The following OVCH1 variants were observed in gnomAD, a reference collection of about 807,000 sequenced individuals.
The protein encoded by OVCH1 is ovochymase-1.
A neutral mutation model predicts 138.4 loss-of-function variants in OVCH1; 139 were observed. The observed-to-expected ratio is 1.00, with a 90% CI of 0.87 to 1.16. The LOEUF (loss-of-function observed/expected upper bound fraction) is 1.16, where lower values mean the gene tolerates loss of function less well. OVCH1 is among the 50% of genes most tolerant of loss of function. The pLI is 0.00. For missense variants in OVCH1, 1,367 were observed against 1,357.9 expected, an observed-to-expected ratio of 1.01 and a Z score of -0.11; for synonymous variants, 453 against 467.8, an observed-to-expected ratio of 0.97 and a Z score of 0.41.
intron 14 of OVCH1, among the ~76,000 whole-genome samples, chr12:29,473,506 A>C (rs996500536): frequency 6.6e-6 from 1 of 152,048 alleles, no homozygotes; most frequent in African/African-American, 2.4e-5. Context: ...CTCTTTCCTG[A>C]ATCCTAGACC....
At chr12:29,437,173 A>G (rs1480494566) in intron 26 of OVCH1, among the ~76,000 whole-genome samples, 1 of 152,198 alleles carries the variant, frequency 6.6e-6, no homozygotes. Flanking sequence ...ACCTTTAGCT[A>G]GACACAGAAC....
chr12:29,469,676 T>A (rs1478753280), intron 16 of OVCH1, among the ~76,000 whole-genome samples: 21 of 151,318 alleles, frequency 1.4e-4, no homozygotes, highest in Admixed American at 1.3e-3. Flanking sequence ...GTTCAAGAGT[T>A]CAAGACCAGT....
intron 4 of OVCH1, among the ~76,000 whole-genome samples, chr12:29,492,498 G>C (rs552756515): frequency 6.6e-6 from 1 of 152,058 alleles, no homozygotes; most frequent in South Asian, 2.1e-4. Flanking sequence ...CTGGCCACTG[G>C]GTTAATAACA....
chr12:29,455,363 G>T, exon 20 of OVCH1: 1 of 1,613,604 alleles, frequency 6.2e-7, no homozygotes. Context: ...AGGACAAAGG[G>T]ACCATTTTCA....
chr12:29,441,419 G>A (rs969756747), intron 25 of OVCH1, among the ~76,000 whole-genome samples: 3 of 152,164 alleles, frequency 2.0e-5, no homozygotes, highest in Non-Finnish European at 4.4e-5. Flanking sequence ...CTAGCCATAT[G>A]GAGAAAGCTG....
chr12:29,472,575 G>A (rs936840604), intron 15 of OVCH1, among the ~76,000 whole-genome samples: 1 of 152,126 alleles, frequency 6.6e-6, no homozygotes, highest in Non-Finnish European at 1.5e-5. Flanking sequence ...ATAGCTCCTT[G>A]TGCAACTTTC....
At chr12:29,410,952 C>G (rs1022972419), downstream of OVCH1, among the ~76,000 whole-genome samples, 2 of 152,074 alleles carry the variant, frequency 1.3e-5, no homozygotes, top group East Asian at 1.9e-4. Context: ...GTACACCAAT[C>G]AGACATAGAT....
chr12:29,476,321 C>G, intron 12 of OVCH1, 22 bp from the exon 13 acceptor site: 1 of 1,570,316 alleles, frequency 6.4e-7, no homozygotes, highest in South Asian at 1.1e-5. Flanking sequence ...GAAACATAAC[C>G]AGGGAAATGG....
exon 13 of OVCH1, chr12:29,476,270 A>C (rs527863289): frequency 1.2e-6 from 2 of 1,613,656 alleles, no homozygotes; most frequent in Admixed American, 3.3e-5. Flanking sequence ...AGTTTGGACT[A>C]AATTTGACAG....
chr12:29,496,520 T>A, intron 2 of OVCH1, 36 bp downstream of exon 2: 1 of 1,499,416 alleles, frequency 6.7e-7, no homozygotes, highest in African/African-American at 1.4e-5. Context: ...TTTCACTGTT[T>A]TCTCATTAAG....
chr12:29,467,982 G>T (rs555428337), intron 16 of OVCH1, among the ~76,000 whole-genome samples: 2 of 152,242 alleles, frequency 1.3e-5, no homozygotes, highest in Admixed American at 1.3e-4. Context: ...ACACTTCAAG[G>T]ATTAGATTTA....
chr12:29,425,118 C>A (rs558030556), downstream of OVCH1, among the ~76,000 whole-genome samples: 10 of 152,200 alleles, frequency 6.6e-5, no homozygotes, highest in African/African-American at 2.4e-4. Flanking sequence ...GAACAGACAG[C>A]AAATGGTACG....
At chr12:29,405,045 A>C in the OVCH1 span, among the ~76,000 whole-genome samples, 31 of 150,248 alleles carry the variant, frequency 2.1e-4, no homozygotes, top group African/African-American at 7.1e-4. Flanking sequence ...AAAAAAAAAA[A>C]AAAAAAAAAA....
chr12:29,440,513 T>C, intron 25 of OVCH1: 2 of 301,392 alleles, frequency 6.6e-6, no homozygotes, highest in Non-Finnish European at 1.3e-5. Flanking sequence ...ATATTTCTAA[T>C]CCAAATAAAA....
intron 18 of OVCH1, among the ~76,000 whole-genome samples, chr12:29,462,247 CTT>C (rs1445067445): frequency 6.6e-6 from 1 of 151,958 alleles, no homozygotes; most frequent in Non-Finnish European, 1.5e-5. Flanking sequence ...ACCAGAAACA[CTT>C]TTTTTCTAGC....
At chr12:29,477,341 C>G in exon 11 of OVCH1, 1 of 1,613,960 alleles carries the variant, frequency 6.2e-7, no homozygotes. Context: ...AAACACTCAC[C>G]TGCTTCTGAC....
chr12:29,455,400 G>C (rs760370312), exon 20 of OVCH1: 5 of 1,601,992 alleles, frequency 3.1e-6, no homozygotes, highest in Non-Finnish European at 3.4e-6. Flanking sequence ...GCCCACCAGA[G>C]TCTCCCTGAA....
downstream of OVCH1, among the ~76,000 whole-genome samples, chr12:29,410,911 A>G (rs577375856): frequency 2.6e-5 from 4 of 152,022 alleles, no homozygotes; most frequent in South Asian, 4.2e-4. Flanking sequence ...AGTGTTTTCC[A>G]TCTTGGTTCC....
intron 1 of OVCH1, 96 bp downstream of exon 1, chr12:29,497,527 C>T (rs1240700368): frequency 1.4e-6 from 2 of 1,435,328 alleles, no homozygotes; most frequent in Admixed American, 4.0e-5. Flanking sequence ...TGTGGCTATA[C>T]CACCCCGACT....
Sources: allele counts gnomAD v4.1 joint callset (sites outside exome capture counted in the v4.1 genomes callset), GRCh38; gene constraint gnomAD v4.1.1; transcripts MANE v1.5; gene names NCBI Gene and HGNC (gene_info 2026-07-23, HGNC 2026-07-21).